MTMR3: variants seen among roughly 807,000 people sequenced by gnomAD.
The protein encoded by MTMR3 is phosphatidylinositol-3,5-bisphosphate 3-phosphatase MTMR3.
MTMR3 carries 32 observed loss-of-function variants against 132.4 expected under a neutral mutation model. The ratio of observed to expected loss-of-function variants is 0.24; its 90% CI spans 0.18 to 0.32. MTMR3 has a LOEUF of 0.32. Among genes scored for constraint, MTMR3 ranks in the 10% least tolerant of loss-of-function variants. The pLI is 1.00. For missense variants in MTMR3, 1,216 were observed against 1,489.6 expected, an observed-to-expected ratio of 0.82 and a Z score of 3.02; for synonymous variants, 556 against 550.3, an observed-to-expected ratio of 1.01 and a Z score of -0.14.
chr22:30,013,748 G>T, intron 14 of MTMR3: 1 of 466,554 alleles, frequency 2.1e-6, no homozygotes, highest in Non-Finnish European at 3.8e-6. Flanking sequence ...TGAAGTCCTT[G>T]TGTTGTTTTA....
intron 13 of MTMR3, 116 bp from the exon 14 acceptor site, chr22:30,013,240 C>CG: frequency 9.6e-7 from 1 of 1,042,644 alleles, no homozygotes; most frequent in Non-Finnish European, 1.4e-6. Context: ...AGGGCAAGGC[C>CG]GGGTGGGCTT....
In MTMR3 at chr22:29,886,770, A is replaced by G. The variant is rs114997516; in HGVS notation, c.-138+3411A>G. ...TGTATGTTGCAAGTGTTATGTAGAA[A>G]GAACATGCTTATGCTGTTGTAATTG... is the stretch of plus-strand genomic sequence containing the variant. On this transcript the variant is annotated intron_variant, in intron 1 of 19. Transcript: ENST00000401950. 1.6e-3 allele frequency among the ~76,000 whole-genome samples: 247 copies of G among 152,332 alleles called. 1 individual carries two copies. Among genetic ancestry groups the G allele is most frequent in the African/African-American group, 5.6e-3 (234 of 41,564 alleles).
chr22:29,889,441 C>T (rs912397927), intron 1 of MTMR3, among the ~76,000 whole-genome samples: 2 of 151,856 alleles, frequency 1.3e-5, no homozygotes, highest in African/African-American at 4.8e-5. Context: ...TACCTGCCAC[C>T]ACGCCTGGCT....
chr22:29,989,425 T>G (rs2066917491), intron 6 of MTMR3: 3 of 152,238 alleles, frequency 2.0e-5, no homozygotes, highest in Admixed American at 2.0e-4. Context: ...AGATGGGGTT[T>G]CACCATGTTG....
rs1569058721 is a variant in MTMR3, at chr22:30,026,317, C to CT, written c.*517dup. The CT allele has an allele frequency of 6.4e-6, 1 of 157,054 alleles. No homozygotes were observed. The highest frequency in any genetic ancestry group is 1.4e-5 in the Non-Finnish European group (1 of 70,854). The allele number at this position is 157,054 out of a possible 1,614,324, so 9.7% of individuals were successfully genotyped here. A position where few individuals can be genotyped will look rare whatever the true frequency, so the allele number is the denominator to read the frequency against. On this transcript the variant is annotated 3_prime_UTR_variant, in exon 20 of 20. Coordinates refer to ENST00000401950, the MANE Select transcript of MTMR3 (RefSeq NM_021090.4). ...AAGCATATTCCCCAAGAGCACTGCC[C>CT]TGGGCATCATCTCCCTCCTGCGAGG...
chr22:29,960,827 ACT>A (rs1271446265), intron 2 of MTMR3, among the ~76,000 whole-genome samples: 2 of 151,968 alleles, frequency 1.3e-5, no homozygotes, highest in African/African-American at 2.4e-5. Flanking sequence ...TTATCTTAAC[ACT>A]CTGAGTTTAA....
intron 1 of MTMR3, among the ~76,000 whole-genome samples, chr22:29,940,431 T>G (rs2065835939): frequency 1.3e-5 from 2 of 150,432 alleles, no homozygotes; most frequent in Admixed American, 1.3e-4. Flanking sequence ...TTTCTTGGAC[T>G]CAGCCCGCCT....
At chr22:29,949,621 A>C (rs1371364440) in intron 1 of MTMR3, among the ~76,000 whole-genome samples, 2 of 151,908 alleles carry the variant, frequency 1.3e-5, no homozygotes, top group East Asian at 3.9e-4. Flanking sequence ...GTACGTGAGA[A>C]TAGGAGCTCT....
intron 1 of MTMR3, among the ~76,000 whole-genome samples, chr22:29,943,451 A>G (rs1020540342): frequency 1.3e-5 from 2 of 151,986 alleles, no homozygotes; most frequent in Non-Finnish European, 2.9e-5. Context: ...CGGCCTCCCA[A>G]AGTGCTGGGA....
chr22:29,929,634 C>T (rs1347810259), intron 1 of MTMR3, among the ~76,000 whole-genome samples: 14 of 151,902 alleles, frequency 9.2e-5, no homozygotes, highest in Admixed American at 3.3e-4. Context: ...CTCAGCCTCC[C>T]GAGTAGCTGG....
chr22:29,926,376 G>A (rs988939844), intron 1 of MTMR3, among the ~76,000 whole-genome samples: 9 of 152,118 alleles, frequency 5.9e-5, no homozygotes, highest in African/African-American at 1.9e-4. Flanking sequence ...GGGGACACAC[G>A]TTTTCAGTTT....
At chr22:29,991,403 C>G (rs577405707) in intron 6 of MTMR3, 101 bp from the exon 7 acceptor site, 769 of 1,197,738 alleles carry the variant, frequency 6.4e-4, no homozygotes, top group Non-Finnish European at 8.3e-4. Flanking sequence ...GGTTGTAGTT[C>G]CCACTTCACT....
chr22:29,973,836 T>C (rs892060966), intron 3 of MTMR3, among the ~76,000 whole-genome samples: 1 of 152,056 alleles, frequency 6.6e-6, no homozygotes, highest in African/African-American at 2.4e-5. Context: ...TGACCTCAGG[T>C]GATCCATCTG....
chr22:29,957,536 T>C (rs1030595709), intron 2 of MTMR3, among the ~76,000 whole-genome samples: 17 of 152,014 alleles, frequency 1.1e-4, no homozygotes, highest in Non-Finnish European at 1.3e-4. Flanking sequence ...ACTGCAGCCT[T>C]GAACCCCTGG....
At chr22:30,017,338 T>C (rs554879222) in intron 15 of MTMR3, 7 of 154,042 alleles carry the variant, frequency 4.5e-5, no homozygotes, top group African/African-American at 1.4e-4. Context: ...AGGAGGCTAA[T>C]CAGAGTTCAT....
rs41174 is a variant in MTMR3 at position 30,030,080 on chromosome 22, C to T, written c.*4279C>T. 0.27 allele frequency: 41,349 copies of T among 152,100 alleles called. 6,143 individuals are homozygous for T. The highest frequency in any genetic ancestry group is 0.38 in the Middle Eastern group (113 of 294). 9.4% of individuals were successfully genotyped at this position (152,100 alleles called of 1,614,324 possible). ...GATACCAGTAGCCTCCCTGCTTGAACAGGCCTCTCCTAGGCTAGGCAGGTG... is the reference window on the plus strand; with the variant it reads ...GATACCAGTAGCCTCCCTGCTTGAATAGGCCTCTCCTAGGCTAGGCAGGTG... On this transcript the variant is annotated 3_prime_UTR_variant, in exon 20 of 20. Coordinates refer to ENST00000401950, the MANE Select transcript of MTMR3 (RefSeq NM_021090.4).
At chr22:29,992,916 AG>A (rs2066992333) in intron 7 of MTMR3, 1 of 152,256 alleles carries the variant, frequency 6.6e-6, no homozygotes, top group African/African-American at 2.4e-5. Context: ...CTTGTCAAAC[AG>A]GCAAGATAGG....
intron 11 of MTMR3, 38 bp from the exon 12 acceptor site, chr22:30,008,980 C>G (rs1170611745): frequency 6.9e-7 from 1 of 1,440,292 alleles, no homozygotes; most frequent in Non-Finnish European, 9.7e-7. Context: ...GCTTTAAGTT[C>G]AACGTATTTG....
chr22:29,979,020 C>G lies in MTMR3; in HGVS notation c.178C>G (p.Leu60Val). ...DAIIALSNYRLHIKFKESLVN... is the reference protein window; with the variant it reads ...DAIIALSNYRVHIKFKESLVN... ...CATCATTGCCCTTTCCAATTACAGACTTCACATCAAGTTCAAGGAGTCTCT... is the reference window on the plus strand; with the variant it reads ...CATCATTGCCCTTTCCAATTACAGAGTTCACATCAAGTTCAAGGAGTCTCT... The change falls in exon 5 of 20, where the codon CTT becomes GTT. Residue 60 changes from leucine (L) to valine (V), a missense_variant. By Grantham distance (32) the Leu-to-Val change is conservative. Around this residue, in one of 7 missense-constraint regions of MTMR3, gnomAD observed 81 missense variants for 87.7 expected, o/e 0.92. Transcript: ENST00000401950. The G allele has an allele frequency of 6.2e-7, 1 of 1,613,104 alleles. No homozygotes were observed. The highest frequency in any genetic ancestry group is 8.5e-7 in the Non-Finnish European group (1 of 1,179,140).
Sources: gnomAD v4.1 joint callset for allele counts (sites outside exome capture counted in the v4.1 genomes callset) on GRCh38, gnomAD v4.1.1 for gene constraint, gnomAD v4.1.1 regional missense constraint, MANE v1.5 for transcripts, NCBI Gene and HGNC (gene_info 2026-07-23, HGNC 2026-07-21) for gene names.